The following PRKG1 variants were observed in gnomAD, a reference collection of about 807,000 sequenced individuals.
The protein encoded by PRKG1 is cGMP-dependent protein kinase 1.
Under a neutral mutation model 88.1 loss-of-function variants are expected in PRKG1, and 35 were observed. The observed-to-expected ratio is 0.40, with a 90% CI of 0.30 to 0.53. PRKG1 has a LOEUF of 0.53. Among genes scored for constraint, PRKG1 ranks in the 20% least tolerant of loss-of-function variants. The pLI is 0.59. For synonymous variants in PRKG1, 303 were observed against 292.5 expected, an observed-to-expected ratio of 1.04 and a Z score of -0.37; for missense variants, 540 against 839.8, an observed-to-expected ratio of 0.64 and a Z score of 4.41.
At chr10:51,572,100 A>AT (rs951232235) in intron 3 of PRKG1, among the ~76,000 whole-genome samples, 1 of 151,792 alleles carries the variant, frequency 6.6e-6, no homozygotes, top group African/African-American at 2.4e-5. Context: ...TAAAATTAAA[A>AT]TTTTTTCAAA....
At chr10:52,154,628 C>T (rs981253783) in intron 8 of PRKG1, among the ~76,000 whole-genome samples, 8 of 151,902 alleles carry the variant, frequency 5.3e-5, no homozygotes, top group African/African-American at 1.9e-4. Flanking sequence ...CTTTTTACAC[C>T]CTTTATTAAG....
intron 3 of PRKG1, among the ~76,000 whole-genome samples, chr10:51,562,413 G>C (rs1051523226): frequency 6.6e-6 from 1 of 152,048 alleles, no homozygotes; most frequent in African/African-American, 2.4e-5. Context: ...AGAATTGTGA[G>C]GTTCTGTTAC....
At chr10:51,367,983 A>G (rs1842624408) in intron 2 of PRKG1, among the ~76,000 whole-genome samples, 1 of 151,922 alleles carries the variant, frequency 6.6e-6, no homozygotes, top group Non-Finnish European at 1.5e-5. Flanking sequence ...CTTTCTGATT[A>G]TAGTGTTTTG....
chr10:52,067,035 C>G (rs1846371688), intron 7 of PRKG1, among the ~76,000 whole-genome samples: 1 of 151,988 alleles, frequency 6.6e-6, no homozygotes, highest in Non-Finnish European at 1.5e-5. Flanking sequence ...GTTTGCATTT[C>G]AATATTTTTC....
chr10:51,011,110 G>A (rs1842989101), intron 1 of PRKG1, among the ~76,000 whole-genome samples: 1 of 152,100 alleles, frequency 6.6e-6, no homozygotes, highest in South Asian at 2.1e-4. Flanking sequence ...GGGCAGTAAC[G>A]CCCCCACTGA....
rs10999164 is a variant in PRKG1 at position 51,735,881 on chromosome 10, G to A, written c.593-68704G>A. 4.4e-3 allele frequency among the ~76,000 whole-genome samples: 437 copies of A among 98,556 alleles called. 4 individuals carry two copies. Among genetic ancestry groups the A allele is most frequent in the African/African-American group, 0.017 (390 of 22,826 alleles). The allele number at this position is 98,556 out of a possible 152,430, so 64.7% of individuals were successfully genotyped here. ...TATATATATATATATATATATATAT[G>A]TATATTTATTTATTTATTTATTTAT... On this transcript the variant is annotated intron_variant, in intron 3 of 17. Transcript: ENST00000373980.
chr10:51,444,678 A>G (rs75246891), intron 2 of PRKG1, among the ~76,000 whole-genome samples: 4,198 of 151,984 alleles, frequency 0.028, 134 homozygotes, highest in African/African-American at 0.057. Flanking sequence ...TAGTAATTTC[A>G]TTTTTAATTA....
chr10:51,840,318 T>C (rs1238338291), intron 4 of PRKG1, among the ~76,000 whole-genome samples: 1 of 152,126 alleles, frequency 6.6e-6, no homozygotes, highest in Non-Finnish European at 1.5e-5. Flanking sequence ...TTAGCTAACA[T>C]TTCATTTTTT....
At chr10:52,096,128 G>A (rs933647882) in intron 7 of PRKG1, among the ~76,000 whole-genome samples, 4 of 152,140 alleles carry the variant, frequency 2.6e-5, no homozygotes, top group African/African-American at 9.7e-5. Context: ...CTTACTTCTT[G>A]GCTCCTGTCA....
rs1432997321 is a variant in PRKG1, at chr10:51,200,925, GT to G, written c.478+47599del. Among the ~76,000 whole-genome samples the G allele has an allele frequency of 7.2e-5, 11 of 152,194 alleles. No homozygotes were observed. In the East Asian group the frequency reaches 2.1e-3, roughly 29 times the overall value. The stretch of plus-strand genomic sequence containing the variant: ...CTACAGCTCAGAGATTCTCTTGAGG[GT>G]TTTAGGGAAAGATTTGGCTCTTTCT... On this transcript the variant is annotated intron_variant, in intron 2 of 17. Transcript: ENST00000373980.
chr10:52,121,336 TA>T (rs1282960328), intron 7 of PRKG1, among the ~76,000 whole-genome samples: 1 of 152,216 alleles, frequency 6.6e-6, no homozygotes, highest in African/African-American at 2.4e-5. Context: ...CTTCCATCCA[TA>T]TTACTATTTT....
At chr10:51,138,235 C>T (rs928954813) in intron 1 of PRKG1, among the ~76,000 whole-genome samples, 1 of 152,050 alleles carries the variant, frequency 6.6e-6, no homozygotes, top group Non-Finnish European at 1.5e-5. Context: ...AGGAGCTTTG[C>T]TTTACTGGTA....
At chr10:52,213,568 G>A (rs1241777048) in intron 9 of PRKG1, among the ~76,000 whole-genome samples, 1 of 152,110 alleles carries the variant, frequency 6.6e-6, no homozygotes, top group African/African-American at 2.4e-5. Flanking sequence ...TGCTCATTAG[G>A]GAAAAAAGAG....
At chr10:52,070,867 G>A (rs1036791068) in intron 7 of PRKG1, among the ~76,000 whole-genome samples, 14 of 152,160 alleles carry the variant, frequency 9.2e-5, no homozygotes, top group African/African-American at 1.9e-4. Context: ...AGGAGTGTGA[G>A]CTCTGAAATG....
chr10:51,725,435 C>CTTTTTTTTTTTTTT (rs35443695), intron 3 of PRKG1, among the ~76,000 whole-genome samples: 1 of 146,466 alleles, frequency 6.8e-6, no homozygotes. Flanking sequence ...ACTTAGGCAA[C>CTTTTTTTTTTTTTT]TTTTTTTTTT....
intron 2 of PRKG1, among the ~76,000 whole-genome samples, chr10:51,286,972 G>A (rs974975293): frequency 6.6e-6 from 1 of 152,108 alleles, no homozygotes; most frequent in African/African-American, 2.4e-5. Context: ...GACTTTTCGG[G>A]TTTAAAGTGA....
At chr10:51,359,243 A>G (rs1225334473) in intron 2 of PRKG1, among the ~76,000 whole-genome samples, 2 of 151,954 alleles carry the variant, frequency 1.3e-5, no homozygotes, top group Non-Finnish European at 2.9e-5. Flanking sequence ...AATACATATT[A>G]TAATTATTTA....
At chr10:51,806,018 ATATG>A (rs1839297123) in intron 4 of PRKG1, among the ~76,000 whole-genome samples, 1 of 152,104 alleles carries the variant, frequency 6.6e-6, no homozygotes, top group African/African-American at 2.4e-5. Context: ...TGAGATATAT[ATATG>A]TATGTGTTGA....
chr10:51,695,408 A>T (rs1211672332), intron 3 of PRKG1: 1 of 152,172 alleles, frequency 6.6e-6, no homozygotes, highest in East Asian at 1.9e-4. Flanking sequence ...ACAAAAGGTA[A>T]TCAGGCCCCA....
Sources: gnomAD v4.1 joint callset for allele counts (sites outside exome capture counted in the v4.1 genomes callset) on GRCh38, gnomAD v4.1.1 for gene constraint, MANE v1.5 for transcripts, NCBI Gene and HGNC (gene_info 2026-07-23, HGNC 2026-07-21) for gene names.